The following NPAS3 variants were observed in gnomAD, a reference collection of about 807,000 sequenced individuals.
NPAS3 encodes the protein neuronal PAS domain-containing protein 3.
A neutral mutation model predicts 73.1 loss-of-function variants in NPAS3; 14 were observed. The ratio of observed to expected loss-of-function variants is 0.19; its 90% CI spans 0.13 to 0.30. The LOEUF (loss-of-function observed/expected upper bound fraction) is 0.30. Ranked by LOEUF, NPAS3 falls within the 10% of genes least tolerant of loss-of-function variation. The pLI, the probability that NPAS3 is intolerant of heterozygous loss-of-function variation, is 1.00. For synonymous variants in NPAS3, 620 were observed against 541.5 expected, an observed-to-expected ratio of 1.14 and a Z score of -2.01; for missense variants, 1,096 against 1,250.0, an observed-to-expected ratio of 0.88 and a Z score of 1.86.
intron 2 of NPAS3, among the ~76,000 whole-genome samples, chr14:33,124,787 A>G (rs1212231887): frequency 1.3e-5 from 2 of 152,142 alleles, no homozygotes; most frequent in African/African-American, 2.4e-5. Context: ...TGAGTATAAA[A>G]TAAGAAAGAT....
At chr14:32,944,013 A>G (rs1460437714) in intron 1 of NPAS3, among the ~76,000 whole-genome samples, 1 of 152,000 alleles carries the variant, frequency 6.6e-6, no homozygotes, top group Non-Finnish European at 1.5e-5. Context: ...ATTTATGGAG[A>G]ATATATTACA....
intron 2 of NPAS3, among the ~76,000 whole-genome samples, chr14:33,144,507 T>C (rs890162513): frequency 3.3e-5 from 5 of 152,368 alleles, no homozygotes; most frequent in African/African-American, 1.2e-4. Flanking sequence ...ATAATTCTGA[T>C]GTATTTCCCA....
intron 3 of NPAS3, among the ~76,000 whole-genome samples, chr14:33,349,418 G>A (rs1034249704): frequency 6.6e-6 from 1 of 152,128 alleles, no homozygotes; most frequent in Non-Finnish European, 1.5e-5. Flanking sequence ...AGACCTGGTT[G>A]ACCGTATTTT....
chr14:33,074,146 T>C (rs971141733), intron 2 of NPAS3, among the ~76,000 whole-genome samples: 7 of 152,160 alleles, frequency 4.6e-5, no homozygotes, highest in Admixed American at 3.3e-4. Flanking sequence ...GAAGAACTTA[T>C]GAGATAGTGA....
At chr14:32,976,231 G>A (rs2037671765) in intron 1 of NPAS3, among the ~76,000 whole-genome samples, 1 of 152,090 alleles carries the variant, frequency 6.6e-6, no homozygotes, top group African/African-American at 2.4e-5. Flanking sequence ...CGAGGTGGTG[G>A]GGACAGTTAG....
intron 4 of NPAS3, among the ~76,000 whole-genome samples, chr14:33,482,703 G>T (rs1211527895): frequency 6.6e-6 from 1 of 151,950 alleles, no homozygotes; most frequent in Admixed American, 6.6e-5. Flanking sequence ...GACCAGCGAG[G>T]TCTGGTCTCT....
At chr14:33,755,386 G>A (rs770953061) in intron 7 of NPAS3, among the ~76,000 whole-genome samples, 8 of 152,126 alleles carry the variant, frequency 5.3e-5, no homozygotes, top group African/African-American at 1.7e-4. Context: ...ACTTTTAACA[G>A]AAGCCTTCAG....
intron 4 of NPAS3, among the ~76,000 whole-genome samples, chr14:33,507,966 C>T (rs1566959171): frequency 6.6e-6 from 1 of 151,902 alleles, no homozygotes; most frequent in South Asian, 2.1e-4. Flanking sequence ...CTTCCTACTC[C>T]CCCTACCCTC....
chr14:33,609,027 T>C (rs1283172247), intron 5 of NPAS3, among the ~76,000 whole-genome samples: 2 of 152,198 alleles, frequency 1.3e-5, no homozygotes, highest in Non-Finnish European at 2.9e-5. Context: ...AGTGGGAATA[T>C]TTTTTAAATG....
intron 4 of NPAS3, among the ~76,000 whole-genome samples, chr14:33,468,299 A>G (rs1007309770): frequency 6.6e-6 from 1 of 152,242 alleles, no homozygotes; most frequent in Non-Finnish European, 1.5e-5. Context: ...ATTAATAAAT[A>G]CATGAGTATG....
chr14:33,337,983 T>C (rs149425929), intron 3 of NPAS3, among the ~76,000 whole-genome samples: 122 of 150,934 alleles, frequency 8.1e-4, no homozygotes, highest in Non-Finnish European at 1.2e-3. Context: ...GTAGATTTCT[T>C]AGGTTTTTTT....
intron 4 of NPAS3, among the ~76,000 whole-genome samples, chr14:33,544,076 A>G (rs1052760040): frequency 1.3e-5 from 2 of 149,624 alleles, no homozygotes; most frequent in African/African-American, 4.9e-5. Flanking sequence ...TCTGGCACAG[A>G]GACCACCTCC....
intron 4 of NPAS3, among the ~76,000 whole-genome samples, chr14:33,473,571 A>G (rs1017664769): frequency 6.6e-6 from 1 of 152,240 alleles, no homozygotes; most frequent in African/African-American, 2.4e-5. Context: ...GGCAGAAAGC[A>G]TAGTCCTGCC....
At chr14:33,113,806 G>A (rs1330617651) in intron 2 of NPAS3, among the ~76,000 whole-genome samples, 1 of 152,116 alleles carries the variant, frequency 6.6e-6, no homozygotes, top group East Asian at 1.9e-4. Flanking sequence ...CTGTGGGTTT[G>A]TCATAAATAG....
intron 3 of NPAS3, among the ~76,000 whole-genome samples, chr14:33,263,913 C>G (rs1371578356): frequency 1.3e-5 from 2 of 152,264 alleles, no homozygotes; most frequent in Middle Eastern, 3.4e-3. Flanking sequence ...CCAGCCATCC[C>G]ATTACTGGGT....
chr14:33,634,305 G>A (rs35156837), intron 5 of NPAS3, among the ~76,000 whole-genome samples: 21,669 of 152,202 alleles, frequency 0.14, 1,853 homozygotes, highest in African/African-American at 0.24. Flanking sequence ...AGGTTGTTCA[G>A]GGCCAAAGGA....
chr14:33,260,971 A>G lies in NPAS3; in HGVS notation c.385+45545A>G, dbSNP rs73254956. ...AAATCCCCTACTCATTTTTGTCTTC[A>G]CAGAGTAGAAAGTACTGTTTCTCTT... is the stretch of plus-strand genomic sequence containing the variant. On this transcript the variant is annotated intron_variant, in intron 3 of 11. Coordinates refer to ENST00000356141, the Ensembl canonical transcript of NPAS3. Among the ~76,000 whole-genome samples the G allele has an allele frequency of 1.7e-3, 262 of 152,282 alleles. 2 individuals are homozygous for G. Among genetic ancestry groups the G allele is most frequent in the African/African-American group, 6.2e-3 (258 of 41,564 alleles).
chr14:33,599,803 G>T (rs138245294), intron 5 of NPAS3, among the ~76,000 whole-genome samples: 325 of 152,248 alleles, frequency 2.1e-3, no homozygotes, highest in Admixed American at 4.2e-3. Flanking sequence ...GCTGACTCTT[G>T]TAGGGGAGGT....
intron 5 of NPAS3, among the ~76,000 whole-genome samples, chr14:33,632,328 G>A (rs1185643975): frequency 6.6e-6 from 1 of 152,060 alleles, no homozygotes; most frequent in Non-Finnish European, 1.5e-5. Context: ...GTTGGGGCCT[G>A]GAAATAAGCA....
Sources: allele counts gnomAD v4.1 joint callset (sites outside exome capture counted in the v4.1 genomes callset), GRCh38; gene constraint gnomAD v4.1.1; transcripts MANE v1.5; gene names NCBI Gene and HGNC (gene_info 2026-07-23, HGNC 2026-07-21).